The following EGFLAM variants were observed in gnomAD, a reference collection of about 807,000 sequenced individuals.
EGFLAM encodes the protein pikachurin.
EGFLAM carries 79 observed loss-of-function variants against 113.1 expected under a neutral mutation model. The ratio of observed to expected loss-of-function variants is 0.70; its 90% CI spans 0.58 to 0.84. EGFLAM has a LOEUF of 0.84. Among genes scored for constraint, EGFLAM ranks in the 40% least tolerant of loss-of-function variants. The pLI is 0.00. For missense variants in EGFLAM, 1,265 were observed against 1,291.6 expected (o/e 0.98, Z 0.32); for synonymous variants, 504 against 487.6 (o/e 1.03, Z -0.44).
intron 16 of EGFLAM, among the ~76,000 whole-genome samples, chr5:38,435,975 G>A (rs1184467287): frequency 2.0e-5 from 3 of 151,892 alleles, no homozygotes; most frequent in African/African-American, 7.3e-5. Flanking sequence ...CTGCCACCAC[G>A]TCCAGCTAAT....
At chr5:38,273,768 T>C (rs1757821154) in intron 1 of EGFLAM, among the ~76,000 whole-genome samples, 1 of 152,242 alleles carries the variant, frequency 6.6e-6, no homozygotes, top group African/African-American at 2.4e-5. Flanking sequence ...CTGGAATAAG[T>C]ATCTGCTTCA....
chr5:38,388,930 A>C (rs956949488), intron 6 of EGFLAM, among the ~76,000 whole-genome samples: 1 of 137,590 alleles, frequency 7.3e-6, no homozygotes, highest in Non-Finnish European at 1.5e-5. Context: ...AAAAAAAAAA[A>C]AACAAAAAAA....
intron 1 of EGFLAM, among the ~76,000 whole-genome samples, chr5:38,280,329 C>T (rs1315450793): frequency 1.3e-5 from 2 of 152,224 alleles, no homozygotes; most frequent in African/African-American, 4.8e-5. Flanking sequence ...CTCTTCACTC[C>T]ACAGTTACTG....
intron 3 of EGFLAM, 104 bp from the exon 4 acceptor site, chr5:38,350,397 A>G (rs1739588350): frequency 4.6e-6 from 5 of 1,091,778 alleles, no homozygotes; most frequent in Non-Finnish European, 6.8e-6. Context: ...CTCTGTGCCA[A>G]GCAGTTTCAC....
intron 1 of EGFLAM, among the ~76,000 whole-genome samples, chr5:38,312,296 C>A (rs1181556760): frequency 6.6e-6 from 1 of 150,376 alleles, no homozygotes; most frequent in Non-Finnish European, 1.5e-5. Flanking sequence ...GGCTGGAGTG[C>A]AGTGGTGCAA....
intron 11 of EGFLAM, 50 bp downstream of exon 11, chr5:38,412,698 G>C (rs1397286551): frequency 6.3e-7 from 1 of 1,596,074 alleles, no homozygotes; most frequent in Admixed American, 1.7e-5. Flanking sequence ...CCCACCATAA[G>C]TCTCCTGAGA....
At chr5:38,310,322 A>T (rs945012277) in intron 1 of EGFLAM, among the ~76,000 whole-genome samples, 1 of 152,148 alleles carries the variant, frequency 6.6e-6, no homozygotes, top group African/African-American at 2.4e-5. Flanking sequence ...ATGCTCTCTC[A>T]CTTACTATCT....
intron 19 of EGFLAM, chr5:38,451,696 A>G: frequency 1.9e-6 from 1 of 531,122 alleles, no homozygotes; most frequent in Non-Finnish European, 3.2e-6. Context: ...TTTTGTAAAT[A>G]AAGTCTTGCT....
At chr5:38,417,819 C>T (rs1741700239) in intron 11 of EGFLAM, among the ~76,000 whole-genome samples, 1 of 152,098 alleles carries the variant, frequency 6.6e-6, no homozygotes, top group Admixed American at 6.5e-5. Context: ...CCTCCCTTCC[C>T]TTCCCTTCTA....
chr5:38,416,923 A>G (rs916766751), intron 11 of EGFLAM, among the ~76,000 whole-genome samples: 1 of 152,226 alleles, frequency 6.6e-6, no homozygotes, highest in African/African-American at 2.4e-5. Flanking sequence ...ACTTGCTGGT[A>G]ACAGAAGTTT....
intron 12 of EGFLAM, among the ~76,000 whole-genome samples, chr5:38,419,091 G>A (rs1317191774): frequency 1.3e-5 from 2 of 152,128 alleles, no homozygotes; most frequent in African/African-American, 4.8e-5. Flanking sequence ...GTGCTCGTGG[G>A]ATCTTTCCTC....
intron 7 of EGFLAM, 33 bp downstream of exon 7, chr5:38,406,274 T>C: frequency 6.3e-7 from 1 of 1,589,154 alleles, no homozygotes; most frequent in Non-Finnish European, 8.6e-7. Flanking sequence ...AAACCCAGGG[T>C]GTTTGTGTTT....
intron 1 of EGFLAM, among the ~76,000 whole-genome samples, chr5:38,311,871 TAACCA>T (rs1738453619): frequency 6.6e-6 from 1 of 152,088 alleles, no homozygotes; most frequent in South Asian, 2.1e-4. Flanking sequence ...TCTATTCCCT[TAACCA>T]AGAAAAAGGG....
At chr5:38,400,713 G>C (rs376149240) in intron 6 of EGFLAM, among the ~76,000 whole-genome samples, 1 of 152,094 alleles carries the variant, frequency 6.6e-6, no homozygotes, top group African/African-American at 2.4e-5. Context: ...TATTATCCTG[G>C]ATTATTATGA....
At chr5:38,453,711 G>C (rs915874087) in intron 19 of EGFLAM, among the ~76,000 whole-genome samples, 1 of 152,106 alleles carries the variant, frequency 6.6e-6, no homozygotes, top group Admixed American at 6.5e-5. Context: ...TGGTTTTCCT[G>C]TGGTTAACCT....
intron 1 of EGFLAM, among the ~76,000 whole-genome samples, chr5:38,280,706 A>G (rs1757993397): frequency 6.6e-6 from 1 of 152,154 alleles, no homozygotes; most frequent in African/African-American, 2.4e-5. Flanking sequence ...TGTTCCTTAA[A>G]GCTGCTCACA....
chr5:38,390,328 G>A (rs1021394402), intron 6 of EGFLAM, among the ~76,000 whole-genome samples: 4 of 152,112 alleles, frequency 2.6e-5, no homozygotes, highest in Non-Finnish European at 5.9e-5. Flanking sequence ...TGACTTTTAT[G>A]CACGTTGAAT....
At chr5:38,327,397 C>G (rs1054259546) in intron 1 of EGFLAM, among the ~76,000 whole-genome samples, 1 of 152,186 alleles carries the variant, frequency 6.6e-6, no homozygotes, top group Non-Finnish European at 1.5e-5. Context: ...ATATAACATT[C>G]TGGAAAGCTT....
In EGFLAM at chr5:38,424,967, G is replaced by A; in HGVS notation, c.1685G>A (p.Gly562Glu). The A allele has an allele frequency of 6.2e-7, 1 of 1,613,624 alleles. No individual in the cohort carries two copies. Among genetic ancestry groups the A allele is most frequent in the Non-Finnish European group, 8.5e-7 (1 of 1,179,718 alleles). The change falls in exon 13 of 22, where the codon GGG (glycine) becomes GAG (glutamate). Residue 562 changes from glycine (G) to glutamate (E), a missense_variant and splice_region_variant. Gly to Glu is a moderately conservative substitution (Grantham distance 98, BLOSUM62 -2). Coordinates refer to ENST00000322350, the MANE Select transcript of EGFLAM (RefSeq NM_152403.4). Reference protein sequence around the residue: ...LGKALSGADVGECSSGICDEA... With the variant: ...LGKALSGADVEECSSGICDEA... ...TTTGTAATTCCCATTCTGTATTTAG[G>A]GGAATGCAGCAGTGGAATCTGTGAT...
Sources: allele counts gnomAD v4.1 joint callset (sites outside exome capture counted in the v4.1 genomes callset), GRCh38; gene constraint gnomAD v4.1.1; transcripts MANE v1.5; gene names NCBI Gene and HGNC (gene_info 2026-07-23, HGNC 2026-07-21).